The following NAA11 variants were observed in gnomAD, a reference collection of about 807,000 sequenced individuals.
NAA11 encodes N-alpha-acetyltransferase 11.
Under a neutral mutation model 16.1 loss-of-function variants are expected in NAA11, and 15 were observed. The ratio of observed to expected loss-of-function variants is 0.93; its 90% CI spans 0.62 to 1.44. The LOEUF (loss-of-function observed/expected upper bound fraction) is 1.44. Ranked by LOEUF, NAA11 falls within the 40% of genes most tolerant of loss-of-function variation. The pLI is 0.00. For synonymous variants in NAA11, 122 were observed against 112.4 expected (o/e 1.09, Z -0.54); for missense variants, 298 against 291.3 (o/e 1.02, Z -0.17).
chr4:79,184,972 G>A, the NAA11 span, among the ~76,000 whole-genome samples: 1 of 151,992 alleles, frequency 6.6e-6, no homozygotes, highest in East Asian at 1.9e-4. Flanking sequence ...GGACTTCTGA[G>A]TGCTTATTTA....
chr4:79,266,181 C>A lies in NAA11; in HGVS notation c.*122+27824G>T, dbSNP rs144839781. Among the ~76,000 whole-genome samples the A allele has an allele frequency of 1.5e-3, 234 of 152,252 alleles. 1 individual carries two copies. Among genetic ancestry groups the A allele is most frequent in the African/African-American group, 5.3e-3 (221 of 41,554 alleles). ...AATGTGGGACTTGCAGGGCCTCTGCCAAAGCCCTGCACATCCAAAGTCATT... is the reference window on the plus strand; with the variant it reads ...AATGTGGGACTTGCAGGGCCTCTGCAAAAGCCCTGCACATCCAAAGTCATT... On this transcript the variant is annotated intron_variant and NMD_transcript_variant, in intron 2 of 2. Transcript: ENST00000511542.
At chr4:79,309,461 T>C (rs960967999) in intron 1 of NAA11, among the ~76,000 whole-genome samples, 3 of 152,202 alleles carry the variant, frequency 2.0e-5, no homozygotes, top group African/African-American at 7.2e-5. Flanking sequence ...TGTTTGCTTA[T>C]TGTTTGCTAT....
chr4:79,295,805 A>G (rs1723205088), intron 1 of NAA11, among the ~76,000 whole-genome samples: 1 of 152,216 alleles, frequency 6.6e-6, no homozygotes, highest in Non-Finnish European at 1.5e-5. Flanking sequence ...TATCTCCATC[A>G]TTGATAAAGT....
chr4:79,193,221 T>G, the NAA11 span, among the ~76,000 whole-genome samples: 2 of 152,202 alleles, frequency 1.3e-5, no homozygotes, highest in Non-Finnish European at 2.9e-5. Context: ...AGAAGCTCTT[T>G]AGTTTAATGA....
intron 2 of NAA11, among the ~76,000 whole-genome samples, chr4:79,260,210 T>C (rs113653470): frequency 6.6e-6 from 1 of 152,226 alleles, no homozygotes; most frequent in Admixed American, 6.5e-5. Flanking sequence ...CAGTAACACA[T>C]ACATTGTGTG....
At chr4:79,319,254 G>C (rs952343799) in intron 1 of NAA11, among the ~76,000 whole-genome samples, 8 of 152,106 alleles carry the variant, frequency 5.3e-5, no homozygotes, top group Admixed American at 5.2e-4. Flanking sequence ...TGCTTATTAA[G>C]TTCAAAGTTT....
At chr4:79,300,744 G>A (rs1270553501) in intron 1 of NAA11, among the ~76,000 whole-genome samples, 1 of 152,102 alleles carries the variant, frequency 6.6e-6, no homozygotes, top group Non-Finnish European at 1.5e-5. Flanking sequence ...TTAATGCATT[G>A]GGATCCTCTA....
chr4:79,221,966 G>C (rs1471736520), downstream of NAA11, among the ~76,000 whole-genome samples: 3 of 137,412 alleles, frequency 2.2e-5, no homozygotes, highest in Non-Finnish European at 3.2e-5. Context: ...GTTCCTCCTT[G>C]TACCTCTGGT....
At chr4:79,166,574 TG>T in the NAA11 span, among the ~76,000 whole-genome samples, 1 of 144,382 alleles carries the variant, frequency 6.9e-6, no homozygotes, top group Non-Finnish European at 1.5e-5. Context: ...GTGATCCTCC[TG>T]CCTGGGGTCT....
chr4:79,247,818 C>T (rs1721876232), intron 2 of NAA11, among the ~76,000 whole-genome samples: 1 of 152,142 alleles, frequency 6.6e-6, no homozygotes, highest in African/African-American at 2.4e-5. Flanking sequence ...CCACTGGTCT[C>T]AGGAATCTTG....
intron 2 of NAA11, among the ~76,000 whole-genome samples, chr4:79,227,039 C>T (rs1239080084): frequency 6.6e-6 from 1 of 152,016 alleles, no homozygotes; most frequent in African/African-American, 2.4e-5. Flanking sequence ...GTTTACAGTC[C>T]CACCAACAGT....
At chr4:79,243,982 G>A (rs918597081) in intron 2 of NAA11, among the ~76,000 whole-genome samples, 2 of 152,238 alleles carry the variant, frequency 1.3e-5, no homozygotes, top group Non-Finnish European at 2.9e-5. Context: ...AGTGTGTTTA[G>A]AGAGTTATAG....
At chr4:79,156,407 T>G in the NAA11 span, among the ~76,000 whole-genome samples, 1 of 152,102 alleles carries the variant, frequency 6.6e-6, no homozygotes. Flanking sequence ...TTTAAGTAAT[T>G]GGCTCACACC....
At chr4:79,214,958 C>T in the NAA11 span, among the ~76,000 whole-genome samples, 4 of 152,126 alleles carry the variant, frequency 2.6e-5, no homozygotes, top group African/African-American at 9.7e-5. Context: ...TACAGTGAGC[C>T]AAATAAATGT....
the NAA11 span, among the ~76,000 whole-genome samples, chr4:79,161,212 G>A: frequency 5.3e-5 from 8 of 152,108 alleles, no homozygotes; most frequent in Non-Finnish European, 2.9e-5. Flanking sequence ...TTCTTTCCCT[G>A]TTGCGCAGGC....
chr4:79,214,771 C>G, the NAA11 span, among the ~76,000 whole-genome samples: 1 of 152,034 alleles, frequency 6.6e-6, no homozygotes, highest in Non-Finnish European at 1.5e-5. Context: ...GCACTGCAGT[C>G]TGGGCAACAG....
the NAA11 span, among the ~76,000 whole-genome samples, chr4:79,204,551 G>A: frequency 1.3e-4 from 15 of 113,160 alleles, no homozygotes; most frequent in Admixed American, 2.3e-4. Context: ...TCCTCCCTCC[G>A]TCCCTTCCTT....
chr4:79,240,716 A>C (rs1354257073), intron 2 of NAA11, among the ~76,000 whole-genome samples: 1 of 152,142 alleles, frequency 6.6e-6, no homozygotes, highest in African/African-American at 2.4e-5. Flanking sequence ...AAAAGAAGTT[A>C]CTTTTTCTGG....
At chr4:79,271,840 TAG>T (rs1722500322) in intron 2 of NAA11, among the ~76,000 whole-genome samples, 1 of 151,968 alleles carries the variant, frequency 6.6e-6, no homozygotes, top group South Asian at 2.1e-4. Context: ...GGGGGTGTGG[TAG>T]AGAGGCTGGC....
Sources: allele counts gnomAD v4.1 joint callset (sites outside exome capture counted in the v4.1 genomes callset), GRCh38; gene constraint gnomAD v4.1.1; transcripts MANE v1.5; gene names NCBI Gene and HGNC (gene_info 2026-07-23, HGNC 2026-07-21).